Variants in MCC observed in about 807,000 individuals in gnomAD.
MCC encodes the protein MCC regulator of Wnt signaling pathway.
In MCC, 90 loss-of-function variants were observed where a neutral mutation model predicts 116.2. The observed-to-expected ratio is 0.77, with a 90% CI of 0.65 to 0.92. MCC has a LOEUF of 0.92. MCC is among the 40% of genes least tolerant of loss of function. MCC has a pLI of 0.00. For missense variants in MCC, 1,516 were observed against 1,312.2 expected (o/e 1.16, Z -2.40); for synonymous variants, 578 against 510.5 (o/e 1.13, Z -1.78).
At chr5:113,169,278 A>C (rs1760941969) in intron 3 of MCC, among the ~76,000 whole-genome samples, 1 of 152,208 alleles carries the variant, frequency 6.6e-6, no homozygotes, top group South Asian at 2.1e-4. Context: ...AAAGGAAGCC[A>C]AGAAACCCAG....
At chr5:113,166,831 GCA>G (rs1760799993) in intron 3 of MCC, among the ~76,000 whole-genome samples, 1 of 151,856 alleles carries the variant, frequency 6.6e-6, no homozygotes, top group Admixed American at 6.6e-5. Flanking sequence ...AGGCAAATTA[GCA>G]CTAGCTGCCA....
intron 1 of MCC, among the ~76,000 whole-genome samples, chr5:113,422,761 C>T (rs1331666999): frequency 2.6e-5 from 4 of 152,026 alleles, no homozygotes; most frequent in Non-Finnish European, 4.4e-5. Context: ...GACATGGCAT[C>T]GGAGATAAAT....
At chr5:113,229,766 C>T (rs1763874475) in intron 3 of MCC, among the ~76,000 whole-genome samples, 1 of 152,200 alleles carries the variant, frequency 6.6e-6, no homozygotes, top group South Asian at 2.1e-4. Flanking sequence ...CACTGTGCTA[C>T]TATTGGCTAC....
intron 2 of MCC, among the ~76,000 whole-genome samples, chr5:113,351,626 G>A (rs1182870885): frequency 6.6e-6 from 1 of 152,076 alleles, no homozygotes; most frequent in Admixed American, 6.6e-5. Context: ...AAGACCTACT[G>A]TTTGCTAGCA....
At chr5:113,044,691 C>T (rs1189338956) in intron 16 of MCC, among the ~76,000 whole-genome samples, 1 of 152,244 alleles carries the variant, frequency 6.6e-6, no homozygotes, top group Non-Finnish European at 1.5e-5. Context: ...TCTCCCACCT[C>T]AGCCTCCCGA....
chr5:113,196,491 A>G (rs770733398), intron 3 of MCC, among the ~76,000 whole-genome samples: 159 of 152,352 alleles, frequency 1.0e-3, no homozygotes, highest in Non-Finnish European at 1.2e-3. Flanking sequence ...TTTGTAAGAA[A>G]ATCCAGAAAT....
chr5:113,482,785 T>C (rs772850151), intron 1 of MCC, among the ~76,000 whole-genome samples: 12 of 152,204 alleles, frequency 7.9e-5, no homozygotes, highest in East Asian at 1.9e-4. Flanking sequence ...TTTTCTTTTG[T>C]AGCTTGTGCT....
At chr5:113,305,805 T>C (rs1766972063) in intron 3 of MCC, among the ~76,000 whole-genome samples, 1 of 152,250 alleles carries the variant, frequency 6.6e-6, no homozygotes, top group Admixed American at 6.5e-5. Flanking sequence ...TTTAACATAA[T>C]TTAGTGGTTT....
chr5:113,037,317 T>C (rs971860446), intron 17 of MCC, among the ~76,000 whole-genome samples: 3 of 152,138 alleles, frequency 2.0e-5, no homozygotes, highest in Non-Finnish European at 4.4e-5. Context: ...AACTTGGACA[T>C]GGATTTGAAC....
At chr5:113,078,112 T>C (rs1451439916) in intron 11 of MCC, among the ~76,000 whole-genome samples, 1 of 151,826 alleles carries the variant, frequency 6.6e-6, no homozygotes, top group South Asian at 2.1e-4. Context: ...CGGGAAGGAG[T>C]TGAATCCCTG....
At chr5:113,453,000 T>C (rs1370582009) in intron 1 of MCC, among the ~76,000 whole-genome samples, 1 of 152,216 alleles carries the variant, frequency 6.6e-6, no homozygotes, top group African/African-American at 2.4e-5. Context: ...GAGCAGGGTA[T>C]GAGGTGACAA....
chr5:113,176,802 T>C (rs7719681), intron 3 of MCC, among the ~76,000 whole-genome samples: 87,118 of 151,904 alleles, frequency 0.57, 27,164 homozygotes, highest in Admixed American at 0.73. Context: ...TCGATTTCTG[T>C]TGATCTTGCC....
chr5:113,143,030 T>C (rs1216250439), intron 5 of MCC, among the ~76,000 whole-genome samples, 188 bp downstream of exon 5: 1 of 152,162 alleles, frequency 6.6e-6, no homozygotes, highest in East Asian at 1.9e-4. Context: ...TAAAAGCACA[T>C]GATTAACAAA....
At chr5:113,142,075 T>C (rs182455392) in intron 5 of MCC, among the ~76,000 whole-genome samples, 4 of 152,186 alleles carry the variant, frequency 2.6e-5, no homozygotes, top group African/African-American at 7.2e-5. Context: ...TGCAGTTTAT[T>C]GTGTGGCTCC....
chr5:113,277,063 C>A (rs1765858529), intron 3 of MCC, among the ~76,000 whole-genome samples: 1 of 151,934 alleles, frequency 6.6e-6, no homozygotes, highest in Non-Finnish European at 1.5e-5. Context: ...GACATACCGG[C>A]CAGGCATGGT....
chr5:113,376,207 C>G (rs1010230240), intron 2 of MCC, among the ~76,000 whole-genome samples: 8 of 152,174 alleles, frequency 5.3e-5, no homozygotes, highest in African/African-American at 1.7e-4. Context: ...GTACCTTGAA[C>G]AAACAGGTTC....
rs1019848731 is a variant in MCC, at chr5:113,484,740, T to A, written c.170+3505A>T. Among the ~76,000 whole-genome samples the A allele has an allele frequency of 5.3e-5, 8 of 152,366 alleles. No individual in the cohort carries two copies. The East Asian group carries it at 1.5e-3, about 29-fold the overall frequency. ...TGGCTTTCAATATTTGTCAAAGGTATGTTCAACATAAGCAGTTTCTTATAT... is the reference window on the plus strand; with the variant it reads ...TGGCTTTCAATATTTGTCAAAGGTAAGTTCAACATAAGCAGTTTCTTATAT... On this transcript the variant is annotated intron_variant, in intron 1 of 18. Transcript: ENST00000408903.
At chr5:113,198,246 A>G (rs778297425) in intron 3 of MCC, among the ~76,000 whole-genome samples, 8 of 152,218 alleles carry the variant, frequency 5.3e-5, no homozygotes, top group Non-Finnish European at 1.2e-4. Flanking sequence ...GAGCTACTTG[A>G]TAGCAGGGGC....
chr5:113,061,626 TACCC>T (rs945415275), intron 14 of MCC, among the ~76,000 whole-genome samples: 7 of 152,204 alleles, frequency 4.6e-5, no homozygotes, highest in African/African-American at 1.7e-4. Context: ...GCTGGTTAAC[TACCC>T]CTCTGCTGCT....
Sources: gnomAD v4.1 joint callset for allele counts (sites outside exome capture counted in the v4.1 genomes callset) on GRCh38, gnomAD v4.1.1 for gene constraint, MANE v1.5 for transcripts, NCBI Gene and HGNC (gene_info 2026-07-23, HGNC 2026-07-21) for gene names.